ACYP2: variants seen among roughly 807,000 people sequenced by gnomAD.
ACYP2 encodes the protein acylphosphatase 2, also known as acylphosphatase-2.
A neutral mutation model predicts 11.2 loss-of-function variants in ACYP2; 12 were observed. The observed-to-expected ratio is 1.08, with a 90% confidence interval of 0.69 to 1.74. ACYP2 has a LOEUF of 1.74. ACYP2 is among the 40% of genes most tolerant of loss of function. The probability of loss-of-function intolerance (pLI) is 0.00; values close to 1 mark genes in which losing one functional copy is unlikely to be tolerated. For synonymous variants in ACYP2, 43 were observed against 32.2 expected (o/e 1.33, Z -1.13); for missense variants, 134 against 101.9 (o/e 1.31, Z -1.35).
intron 2 of ACYP2, among the ~76,000 whole-genome samples, chr2:53,993,518 C>T (rs968604571): frequency 9.9e-5 from 15 of 151,148 alleles, no homozygotes; most frequent in African/African-American, 3.4e-4. Flanking sequence ...GCCAACGTGG[C>T]GAAACCCCAT....
At chr2:54,276,990 T>C (rs192905316) in intron 6 of ACYP2, among the ~76,000 whole-genome samples, 25 of 152,246 alleles carry the variant, frequency 1.6e-4, no homozygotes, top group African/African-American at 5.8e-4. Context: ...ATTTAATGGC[T>C]ATTATTTCTA....
chr2:53,990,945 C>T (rs1021120755), intron 2 of ACYP2, among the ~76,000 whole-genome samples: 14 of 151,938 alleles, frequency 9.2e-5, no homozygotes, highest in Non-Finnish European at 1.5e-4. Flanking sequence ...TACAGGTGCC[C>T]GCCACCACGC....
intron 2 of ACYP2, among the ~76,000 whole-genome samples, chr2:54,001,097 A>G (rs1332682769): frequency 6.6e-6 from 1 of 152,156 alleles, no homozygotes; most frequent in African/African-American, 2.4e-5. Flanking sequence ...CCTTGTGCCT[A>G]TAATTTTAGC....
intron 4 of ACYP2, among the ~76,000 whole-genome samples, chr2:54,120,370 C>G (rs915946082): frequency 6.6e-6 from 1 of 152,156 alleles, no homozygotes; most frequent in Admixed American, 6.5e-5. Context: ...ATATTTACAT[C>G]TAGAATAATA....
At chr2:54,224,265 C>T (rs1685914137) in intron 6 of ACYP2, among the ~76,000 whole-genome samples, 1 of 152,184 alleles carries the variant, frequency 6.6e-6, no homozygotes, top group Non-Finnish European at 1.5e-5. Flanking sequence ...TTCAGCAGTT[C>T]CCGAACTCTT....
chr2:54,072,487 TTTTC>T (rs774849991), intron 4 of ACYP2, among the ~76,000 whole-genome samples: 181 of 113,830 alleles, frequency 1.6e-3, no homozygotes, highest in Non-Finnish European at 2.2e-3. Flanking sequence ...TTTCTTTCTT[TTTTC>T]TTTCTTTCTC....
chr2:54,240,801 T>G (rs1354816521), intron 6 of ACYP2, among the ~76,000 whole-genome samples: 1 of 152,240 alleles, frequency 6.6e-6, no homozygotes. Context: ...CCTAACATTC[T>G]GACCCAGACT....
rs886202582 is a variant in ACYP2 at position 54,035,659 on chromosome 2, T to G, written c.63-15299T>G. On this transcript the variant is annotated intron_variant, in intron 2 of 6. Coordinates refer to ENST00000607452, the MANE Select transcript of ACYP2 (RefSeq NM_001320586.2). ...TCTACATGATCACAGTTTGACCCAT[T>G]TGTGACAAATTTCAGACAATTCTAG... Among the ~76,000 whole-genome samples, 3 of 152,292 alleles carry G rather than the reference T, an allele frequency of 2.0e-5. No homozygotes were observed. In the East Asian group the frequency reaches 5.8e-4, roughly 29 times the overall value.
At chr2:54,065,305 G>A (rs1367367418) in intron 4 of ACYP2, among the ~76,000 whole-genome samples, 1 of 152,154 alleles carries the variant, frequency 6.6e-6, no homozygotes, top group African/African-American at 2.4e-5. Flanking sequence ...TGAATTGGAT[G>A]TTGACTATAG....
intron 6 of ACYP2, among the ~76,000 whole-genome samples, chr2:54,208,593 A>T (rs1266241907): frequency 6.6e-6 from 1 of 152,166 alleles, no homozygotes; most frequent in Non-Finnish European, 1.5e-5. Flanking sequence ...TCTTAGCTCC[A>T]AAGGCCTCTT....
rs1477273700 is a variant in ACYP2, at chr2:54,139,072, A to G, written c.404+324A>G. On this transcript the variant is annotated intron_variant, in intron 6 of 6. Coordinates refer to ENST00000607452, the MANE Select transcript of ACYP2 (RefSeq NM_001320586.2). ...TAGGCAGGCCTGTGAAGAAATTCTC[A>G]GAGTTGGGAGTAGCATTTCTATGTT... 2.0e-5 allele frequency among the ~76,000 whole-genome samples: 3 copies of G among 152,210 alleles called. 1 individual carries two copies. The highest frequency in any genetic ancestry group is 6.3e-3 in the Middle Eastern group (2 of 316).
intron 4 of ACYP2, among the ~76,000 whole-genome samples, chr2:54,102,527 G>T (rs929663439): frequency 2.0e-5 from 3 of 151,162 alleles, no homozygotes; most frequent in African/African-American, 7.3e-5. Context: ...TATCATCTTA[G>T]CTAAGGAGGT....
intron 3 of ACYP2, among the ~76,000 whole-genome samples, chr2:54,056,556 T>G (rs1676163734): frequency 6.6e-6 from 1 of 152,232 alleles, no homozygotes; most frequent in South Asian, 2.1e-4. Flanking sequence ...GGAACCTCTT[T>G]GTATTCTTTA....
intron 4 of ACYP2, among the ~76,000 whole-genome samples, chr2:54,074,578 TTGTGTGTGTGTGTGTGTG>T (rs59845178): frequency 3.4e-5 from 5 of 146,058 alleles, no homozygotes; most frequent in East Asian, 2.0e-4. Context: ...AGAACAGAAT[TTGTGTGTGTGTGTGTGTG>T]TGTGTGTGTG....
chr2:54,149,930 A>T (rs1043228958), intron 6 of ACYP2, among the ~76,000 whole-genome samples: 6 of 152,238 alleles, frequency 3.9e-5, no homozygotes, highest in African/African-American at 1.4e-4. Flanking sequence ...GCTGATACAT[A>T]GGAAAGGGTA....
At chr2:54,292,779 A>G (rs1689364809) in intron 6 of ACYP2, among the ~76,000 whole-genome samples, 1 of 152,156 alleles carries the variant, frequency 6.6e-6, no homozygotes, top group Admixed American at 6.5e-5. Context: ...TAATTAATGT[A>G]TTAAATAAAA....
chr2:53,986,671 A>G lies in ACYP2; in HGVS notation c.62+12861A>G, dbSNP rs1227845152. 3.2e-5 allele frequency among the ~76,000 whole-genome samples: 4 copies of G among 125,794 alleles called. No individual in the cohort carries two copies. In the Admixed American group the frequency reaches 3.2e-4, roughly 10 times the overall value. 82.5% of individuals were successfully genotyped at this position (125,794 alleles called of 152,430 possible). ...ATGAAGTTTCACTCTGTTGCCCAGG[A>G]TGGAGTGCAGTGGTGTGATCTTGGG... On this transcript the variant is annotated intron_variant, in intron 2 of 6. Coordinates refer to ENST00000607452, the MANE Select transcript of ACYP2 (RefSeq NM_001320586.2).
chr2:53,992,649 G>A (rs761224456), intron 2 of ACYP2, among the ~76,000 whole-genome samples: 2 of 151,916 alleles, frequency 1.3e-5, no homozygotes, highest in Non-Finnish European at 2.9e-5. Flanking sequence ...TGGCCAACAT[G>A]GTGAAACCCC....
intron 2 of ACYP2, among the ~76,000 whole-genome samples, chr2:54,008,013 C>T (rs942844865): frequency 3.0e-4 from 46 of 152,196 alleles, no homozygotes; most frequent in African/African-American, 1.1e-3. Context: ...CCAGGGACAC[C>T]TCAGAGGTTA....
Sources: gnomAD v4.1 joint callset for allele counts (sites outside exome capture counted in the v4.1 genomes callset) on GRCh38, gnomAD v4.1.1 for gene constraint, MANE v1.5 for transcripts, NCBI Gene and HGNC (gene_info 2026-07-23, HGNC 2026-07-21) for gene names.